The following NTM variants were observed in gnomAD, a reference collection of about 807,000 sequenced individuals.
NTM encodes the protein neurotrimin.
NTM carries 13 observed loss-of-function variants against 42.1 expected under a neutral mutation model. The ratio of observed to expected loss-of-function variants is 0.31; its 90% confidence interval spans 0.20 to 0.49. NTM has a LOEUF of 0.49. NTM is among the 20% of genes least tolerant of loss of function. The probability of loss-of-function intolerance (pLI) is 0.99; values close to 1 mark genes in which losing one functional copy is unlikely to be tolerated. For missense variants in NTM, 373 were observed against 452.8 expected (o/e 0.82, Z 1.60); for synonymous variants, 187 against 179.2 (o/e 1.04, Z -0.35).
intron 2 of NTM, among the ~76,000 whole-genome samples, chr11:132,103,083 C>A (rs1409021951): frequency 6.6e-6 from 1 of 152,246 alleles, no homozygotes; most frequent in Non-Finnish European, 1.5e-5. Flanking sequence ...GCCTTCATTT[C>A]ATCCCTACCA....
chr11:132,317,882 C>T (rs574824064), intron 7 of NTM, among the ~76,000 whole-genome samples: 2 of 152,198 alleles, frequency 1.3e-5, no homozygotes, highest in Admixed American at 6.5e-5. Flanking sequence ...CCCTTGCTCT[C>T]ACTCCCCCAG....
chr11:131,671,345 C>T (rs575725474), intron 1 of NTM: 1 of 832,140 alleles, frequency 1.2e-6, no homozygotes, highest in Non-Finnish European at 1.4e-6. Flanking sequence ...AACCCCATCA[C>T]TGCACACTTT....
At chr11:132,055,970 G>A (rs1359518404) in intron 2 of NTM, among the ~76,000 whole-genome samples, 2 of 152,214 alleles carry the variant, frequency 1.3e-5, no homozygotes, top group Non-Finnish European at 2.9e-5. Context: ...GTAGTTCTAC[G>A]TTAGAATATT....
intron 1 of NTM, among the ~76,000 whole-genome samples, chr11:131,391,506 G>A (rs900177096): frequency 2.6e-5 from 4 of 151,154 alleles, no homozygotes; most frequent in Admixed American, 6.6e-5. Flanking sequence ...CAAGCAGAGC[G>A]AAGTGACAAA....
intron 1 of NTM, among the ~76,000 whole-genome samples, chr11:131,379,551 A>T (rs1447904828): frequency 2.1e-4 from 32 of 152,218 alleles, no homozygotes. Flanking sequence ...CTCCTCTTCA[A>T]TAAGATAGAG....
At chr11:131,530,459 T>C (rs1026855880) in intron 1 of NTM, among the ~76,000 whole-genome samples, 8 of 151,340 alleles carry the variant, frequency 5.3e-5, no homozygotes, top group African/African-American at 1.9e-4. Flanking sequence ...ACCAGTTCTT[T>C]TACTGGGGGA....
At chr11:132,015,720 G>A (rs1184568657) in intron 2 of NTM, among the ~76,000 whole-genome samples, 1 of 151,020 alleles carries the variant, frequency 6.6e-6, no homozygotes, top group African/African-American at 2.4e-5. Flanking sequence ...TTCAGCTAGT[G>A]CATTCCTGGT....
chr11:131,622,421 T>C (rs1315613576), intron 1 of NTM, among the ~76,000 whole-genome samples: 1 of 152,260 alleles, frequency 6.6e-6, no homozygotes, highest in Non-Finnish European at 1.5e-5. Context: ...CGCTCATTTG[T>C]ATGCTCCGTG....
rs678934 is a variant in NTM at position 131,927,227 on chromosome 11, G to C, written c.167+15579G>C. Among the ~76,000 whole-genome samples the C allele has an allele frequency of 7.0e-3, 1,061 of 151,390 alleles. 6 individuals carry two copies. The highest frequency in any genetic ancestry group is 0.023 in the South Asian group (106 of 4,676). ...CATTTGTGGCTGAAAATTTAACATT[G>C]CATCCTAGGGCATTTTGCACCAACT... On this transcript the variant is annotated intron_variant, in intron 2 of 8. Transcript: ENST00000683400.
At chr11:132,315,303 G>T (rs759339999) in intron 7 of NTM, among the ~76,000 whole-genome samples, 1 of 152,142 alleles carries the variant, frequency 6.6e-6, no homozygotes, top group Non-Finnish European at 1.5e-5. Context: ...GAAAGTGAGC[G>T]AGCTCCCTTG....
At chr11:131,454,406 C>A (rs543950490) in intron 1 of NTM, among the ~76,000 whole-genome samples, 88 of 152,262 alleles carry the variant, frequency 5.8e-4, no homozygotes, top group African/African-American at 2.0e-3. Flanking sequence ...CTCTTAAAAA[C>A]AAAATATTTC....
intron 1 of NTM, chr11:131,660,431 T>A (rs763828039): frequency 2.2e-6 from 1 of 455,722 alleles, no homozygotes; most frequent in South Asian, 1.6e-5. Flanking sequence ...GCAGAGTCAT[T>A]TGAAAGAGCC....
chr11:132,316,714 G>C (rs914423554), intron 7 of NTM, among the ~76,000 whole-genome samples: 1 of 152,138 alleles, frequency 6.6e-6, no homozygotes, highest in Non-Finnish European at 1.5e-5. Flanking sequence ...TGCTGCCTGG[G>C]TAACATAATT....
intron 1 of NTM, among the ~76,000 whole-genome samples, chr11:131,684,535 C>T (rs2073544707): frequency 6.6e-6 from 1 of 152,230 alleles, no homozygotes; most frequent in African/African-American, 2.4e-5. Flanking sequence ...CTGTCTCTGT[C>T]CTCTGGCTGA....
At chr11:132,176,169 C>G (rs561813078) in intron 3 of NTM, among the ~76,000 whole-genome samples, 1 of 151,922 alleles carries the variant, frequency 6.6e-6, no homozygotes, top group African/African-American at 2.4e-5. Context: ...GTGTTGTGTG[C>G]GAGGGACACG....
chr11:131,975,890 T>C (rs1231006464), intron 2 of NTM, among the ~76,000 whole-genome samples: 2 of 152,138 alleles, frequency 1.3e-5, no homozygotes, highest in African/African-American at 2.4e-5. Context: ...GAGCTTTGTG[T>C]TGTGCTCTGT....
intron 2 of NTM, among the ~76,000 whole-genome samples, chr11:131,968,161 G>A (rs1565845777): frequency 6.6e-6 from 1 of 152,110 alleles, no homozygotes; most frequent in Non-Finnish European, 1.5e-5. Context: ...AGTGAATAAG[G>A]ATCTCCTCCC....
intron 1 of NTM, among the ~76,000 whole-genome samples, chr11:131,851,541 G>GTT (rs1286825232): frequency 4.0e-5 from 6 of 150,690 alleles, no homozygotes; most frequent in Non-Finnish European, 8.9e-5. Flanking sequence ...GCGTGTGTGT[G>GTT]TGTGTGTGTG....
chr11:132,324,662 G>GA (rs768621981), intron 7 of NTM, among the ~76,000 whole-genome samples: 12 of 2,728 alleles, frequency 4.4e-3, no homozygotes, highest in East Asian at 0.042. Context: ...CACAGAATTG[G>GA]AAAAAAAACT....
Sources: gnomAD v4.1 joint callset for allele counts (sites outside exome capture counted in the v4.1 genomes callset) on GRCh38, gnomAD v4.1.1 for gene constraint, MANE v1.5 for transcripts, NCBI Gene and HGNC (gene_info 2026-07-23, HGNC 2026-07-21) for gene names.